Variants in GPC6 observed in about 807,000 individuals in gnomAD.
GPC6 encodes the protein glypican-6.
GPC6 carries 14 observed loss-of-function variants against 55.2 expected under a neutral mutation model. That is an observed-to-expected ratio of 0.25 (90% CI 0.17 to 0.40). The LOEUF (loss-of-function observed/expected upper bound fraction) is 0.40. Ranked by LOEUF, GPC6 falls within the 10% of genes least tolerant of loss-of-function variation. The pLI is 1.00. For synonymous variants in GPC6, 278 were observed against 259.6 expected (o/e 1.07, Z -0.68); for missense variants, 641 against 708.5 (o/e 0.90, Z 1.08).
At chr13:94,351,001 CTT>C (rs1261560932) in intron 6 of GPC6, among the ~76,000 whole-genome samples, 2 of 152,080 alleles carry the variant, frequency 1.3e-5, no homozygotes, top group Non-Finnish European at 2.9e-5. Flanking sequence ...AGTTTATAGA[CTT>C]TGATTTTCAA....
chr13:93,731,392 G>T (rs1883813978), intron 2 of GPC6, among the ~76,000 whole-genome samples: 1 of 152,072 alleles, frequency 6.6e-6, no homozygotes, highest in African/African-American at 2.4e-5. Flanking sequence ...GAGTCTTTTA[G>T]CCCTGAACAG....
At chr13:93,777,397 C>T (rs1360454361) in intron 2 of GPC6, among the ~76,000 whole-genome samples, 1 of 152,182 alleles carries the variant, frequency 6.6e-6, no homozygotes, top group Non-Finnish European at 1.5e-5. Context: ...CAGAGCAAAT[C>T]ACATCTACCC....
chr13:93,721,680 A>G (rs1349885273), intron 2 of GPC6, among the ~76,000 whole-genome samples: 4 of 151,770 alleles, frequency 2.6e-5, no homozygotes, highest in Non-Finnish European at 5.9e-5. Flanking sequence ...ATATTATTAA[A>G]TGTGGTTTTG....
At chr13:93,795,376 C>G (rs1380005214) in intron 2 of GPC6, among the ~76,000 whole-genome samples, 1 of 152,166 alleles carries the variant, frequency 6.6e-6, no homozygotes, top group Admixed American at 6.6e-5. Flanking sequence ...CAAACATTAT[C>G]AATTTGTTCC....
At chr13:93,928,601 C>G (rs942406444) in intron 3 of GPC6, among the ~76,000 whole-genome samples, 6 of 152,202 alleles carry the variant, frequency 3.9e-5, no homozygotes, top group African/African-American at 1.2e-4. Context: ...TTCAGACTGA[C>G]AAGGCCTCTA....
At chr13:94,355,589 T>C (rs1162257362) in intron 6 of GPC6, among the ~76,000 whole-genome samples, 1 of 152,120 alleles carries the variant, frequency 6.6e-6, no homozygotes, top group Non-Finnish European at 1.5e-5. Context: ...ATGATGAAAT[T>C]GTATGCTATT....
At chr13:93,478,119 C>G (rs886860620) in intron 1 of GPC6, among the ~76,000 whole-genome samples, 2 of 152,066 alleles carry the variant, frequency 1.3e-5, no homozygotes, top group Non-Finnish European at 2.9e-5. Flanking sequence ...GAAATGATTT[C>G]TCTCTTTAGA....
At chr13:93,478,312 G>A (rs1879377627) in intron 1 of GPC6, among the ~76,000 whole-genome samples, 1 of 152,094 alleles carries the variant, frequency 6.6e-6, no homozygotes, top group South Asian at 2.1e-4. Context: ...ATGCCTAAAT[G>A]TGCTTGAGAA....
rs185231146 is a variant in GPC6 at position 93,594,681 on chromosome 13, A to G, written c.319+49260A>G. On this transcript the variant is annotated intron_variant, in intron 2 of 8. Coordinates refer to ENST00000377047, the MANE Select transcript of GPC6 (RefSeq NM_005708.5). ...AACAAAATGCCATAATTTGGGTAGT[A>G]TATAAATACCAGAAGTTTATTTTTT... Among the ~76,000 whole-genome samples the G allele has an allele frequency of 2.0e-3, 304 of 152,134 alleles. 4 individuals are homozygous for G. The highest frequency in any genetic ancestry group is 3.3e-3 in the Non-Finnish European group (226 of 68,010).
chr13:94,283,299 C>T (rs897075746), intron 4 of GPC6, among the ~76,000 whole-genome samples: 1 of 152,344 alleles, frequency 6.6e-6, no homozygotes, highest in Admixed American at 6.5e-5. Context: ...CCTACCACCA[C>T]TGAGGTATAT....
intron 3 of GPC6, among the ~76,000 whole-genome samples, chr13:93,857,660 T>C (rs999914394): frequency 6.6e-6 from 1 of 151,660 alleles, no homozygotes; most frequent in Admixed American, 6.6e-5. Context: ...ATAGGACTGT[T>C]GGTAACTGTT....
chr13:94,067,982 C>T (rs1884591523), intron 4 of GPC6, among the ~76,000 whole-genome samples: 2 of 152,138 alleles, frequency 1.3e-5, no homozygotes, highest in African/African-American at 2.4e-5. Context: ...GGTGGCACTT[C>T]ATGAATTATT....
chr13:93,702,452 G>T (rs978118688), intron 2 of GPC6, among the ~76,000 whole-genome samples: 1 of 151,942 alleles, frequency 6.6e-6, no homozygotes, highest in Non-Finnish European at 1.5e-5. Context: ...TTTTCAGAAT[G>T]GTAAGTGAGC....
intron 2 of GPC6, among the ~76,000 whole-genome samples, chr13:93,653,882 T>C (rs1880537322): frequency 1.3e-5 from 2 of 152,198 alleles, no homozygotes; most frequent in Non-Finnish European, 2.9e-5. Context: ...TAAATTTGGA[T>C]AGGCCATTGT....
intron 1 of GPC6, among the ~76,000 whole-genome samples, chr13:93,482,645 A>G (rs1879560822): frequency 6.6e-6 from 1 of 152,196 alleles, no homozygotes; most frequent in Admixed American, 6.5e-5. Flanking sequence ...GCTCAGGAAT[A>G]GAAGGCAAAA....
At chr13:94,069,565 G>A (rs1566363359) in intron 4 of GPC6, among the ~76,000 whole-genome samples, 1 of 151,952 alleles carries the variant, frequency 6.6e-6, no homozygotes, top group South Asian at 2.1e-4. Flanking sequence ...TCGAACTTTT[G>A]TACTGTTTCC....
intron 4 of GPC6, among the ~76,000 whole-genome samples, chr13:94,271,041 G>A (rs899549252): frequency 1.5e-5 from 2 of 135,100 alleles, no homozygotes; most frequent in Non-Finnish European, 3.1e-5. Flanking sequence ...CCAGGCTGGA[G>A]TGCAGTGGCG....
intron 2 of GPC6, among the ~76,000 whole-genome samples, chr13:93,693,179 G>C (rs1311889736): frequency 2.6e-5 from 4 of 151,974 alleles, no homozygotes; most frequent in Non-Finnish European, 5.9e-5. Flanking sequence ...ACTAGTCAAG[G>C]GCTCTCCAAT....
intron 2 of GPC6, among the ~76,000 whole-genome samples, chr13:93,655,326 G>A (rs1039765854): frequency 5.3e-5 from 8 of 152,244 alleles, no homozygotes; most frequent in African/African-American, 1.9e-4. Context: ...CCTGTGCTGA[G>A]TTTTAGCAGA....
Sources: allele counts gnomAD v4.1 joint callset (sites outside exome capture counted in the v4.1 genomes callset), GRCh38; gene constraint gnomAD v4.1.1; transcripts MANE v1.5; gene names NCBI Gene and HGNC (gene_info 2026-07-23, HGNC 2026-07-21).